Variants in ZNF385D observed in about 807,000 individuals in gnomAD.
The protein encoded by ZNF385D is zinc finger protein 385D.
Under a neutral mutation model 35.8 loss-of-function variants are expected in ZNF385D, and 15 were observed. The observed-to-expected ratio is 0.42, with a 90% confidence interval of 0.28 to 0.64. The LOEUF is 0.64. ZNF385D is among the 30% of genes least tolerant of loss of function. The probability of loss-of-function intolerance (pLI) is 0.23; values close to 1 mark genes in which losing one functional copy is unlikely to be tolerated. For synonymous variants in ZNF385D, 212 were observed against 186.8 expected, an observed-to-expected ratio of 1.13 and a Z score of -1.10; for missense variants, 474 against 494.6, an observed-to-expected ratio of 0.96 and a Z score of 0.39.
At chr3:21,880,448 T>C (rs529354860) in intron 3 of ZNF385D, among the ~76,000 whole-genome samples, 23 of 152,106 alleles carry the variant, frequency 1.5e-4, no homozygotes, top group African/African-American at 5.3e-4. Flanking sequence ...TTAATGTTAC[T>C]ATTGTAATGG....
intron 3 of ZNF385D, among the ~76,000 whole-genome samples, chr3:22,094,379 A>T (rs538122259): frequency 7.1e-4 from 46 of 64,636 alleles, no homozygotes; most frequent in Middle Eastern, 0.019. Flanking sequence ...TCTGTCATTT[A>T]TTGTTGATAT....
chr3:22,207,408 C>G lies in ZNF385D; in HGVS notation c.107-38373G>C, dbSNP rs141412297. Reference sequence around the variant, plus strand: ...CACGCATATGCAGAAGAAAACAAAGCCCCTATCTCCTGCCCTACACAAAAA... The same window carrying G: ...CACGCATATGCAGAAGAAAACAAAGGCCCTATCTCCTGCCCTACACAAAAA... On this transcript the variant is annotated intron_variant, in intron 2 of 5. Transcript: ENST00000494108. 1.9e-3 allele frequency among the ~76,000 whole-genome samples: 291 copies of G among 151,924 alleles called. 1 individual carries two copies. Among genetic ancestry groups the G allele is most frequent in the Middle Eastern group, 0.014 (4 of 294 alleles).
intron 3 of ZNF385D, chr3:22,133,627 G>A (rs561402310): frequency 1.3e-5 from 2 of 151,912 alleles, no homozygotes; most frequent in African/African-American, 4.8e-5. Context: ...GGACTGGGGG[G>A]AGATACTCTA....
At chr3:21,995,416 G>A (rs1695401802) in intron 3 of ZNF385D, among the ~76,000 whole-genome samples, 1 of 152,112 alleles carries the variant, frequency 6.6e-6, no homozygotes, top group South Asian at 2.1e-4. Context: ...AGTGAGGCTA[G>A]TTTATCCCCA....
At chr3:21,971,956 A>C (rs1356247530) in intron 3 of ZNF385D, among the ~76,000 whole-genome samples, 1 of 152,028 alleles carries the variant, frequency 6.6e-6, no homozygotes, top group African/African-American at 2.4e-5. Flanking sequence ...CCAGATATAT[A>C]AAGCACATAT....
rs994655230 is a variant in ZNF385D at position 22,243,940 on chromosome 3, T to C, written c.107-74905A>G. Among the ~76,000 whole-genome samples the C allele has an allele frequency of 1.1e-4, 16 of 150,872 alleles. 1 individual carries two copies. Among genetic ancestry groups the C allele is most frequent in the Non-Finnish European group, 2.2e-4 (15 of 67,956 alleles). On this transcript the variant is annotated intron_variant, in intron 2 of 5. Transcript: ENST00000494108. ...GAGCACCTTTGAAATTTACCCATTA[T>C]ATATTTCTATTATATATATTTCATA...
At chr3:21,821,801 AT>A (rs941997499) in intron 3 of ZNF385D, among the ~76,000 whole-genome samples, 1 of 151,564 alleles carries the variant, frequency 6.6e-6, no homozygotes, top group Non-Finnish European at 1.5e-5. Flanking sequence ...TCTCTACAAA[AT>A]TTTTTTTAAA....
chr3:22,326,137 G>T (rs1183723041), intron 2 of ZNF385D, among the ~76,000 whole-genome samples: 1 of 152,250 alleles, frequency 6.6e-6, no homozygotes, highest in Non-Finnish European at 1.5e-5. Flanking sequence ...CTCTGAATTT[G>T]CACTGGAGTC....
chr3:22,085,177 C>A (rs919675909), intron 3 of ZNF385D, among the ~76,000 whole-genome samples: 1 of 151,968 alleles, frequency 6.6e-6, no homozygotes, highest in Admixed American at 6.6e-5. Flanking sequence ...ACTAGAGAAG[C>A]AAGAGCGAAC....
intron 1 of ZNF385D, among the ~76,000 whole-genome samples, chr3:21,669,054 G>A (rs939537226): frequency 6.6e-6 from 1 of 152,156 alleles, no homozygotes; most frequent in African/African-American, 2.4e-5. Flanking sequence ...ATTGAAGCAG[G>A]TCTTTTAAAG....
intron 5 of ZNF385D, among the ~76,000 whole-genome samples, chr3:21,427,250 C>T (rs986743236): frequency 6.6e-6 from 1 of 152,156 alleles, no homozygotes; most frequent in Non-Finnish European, 1.5e-5. Flanking sequence ...ATTATGAAAA[C>T]TTCTTTATCC....
chr3:22,068,776 A>G (rs1336952383), intron 3 of ZNF385D, among the ~76,000 whole-genome samples: 1 of 152,252 alleles, frequency 6.6e-6, no homozygotes, highest in Non-Finnish European at 1.5e-5. Flanking sequence ...ACACGTGAAG[A>G]AAAACATTAC....
At chr3:21,604,509 A>C (rs2064417263) in intron 2 of ZNF385D, among the ~76,000 whole-genome samples, 2 of 152,230 alleles carry the variant, frequency 1.3e-5, no homozygotes, top group Admixed American at 1.3e-4. Flanking sequence ...AAGAGGAGTA[A>C]TCAGCAAAGA....
intron 3 of ZNF385D, among the ~76,000 whole-genome samples, chr3:22,137,810 C>T (rs7611433): frequency 0.92 from 139,224 of 151,726 alleles, 64,035 homozygotes; most frequent in African/African-American, 0.98. Flanking sequence ...GTGTTGGAAG[C>T]TCTGGCCAGG....
intron 3 of ZNF385D, among the ~76,000 whole-genome samples, chr3:22,070,217 C>T (rs1335650412): frequency 1.3e-5 from 2 of 152,070 alleles, no homozygotes; most frequent in African/African-American, 4.8e-5. Flanking sequence ...GTGGCCCCAT[C>T]CCCTTAAAGC....
At chr3:21,586,460 C>CTGTA (rs1429414803) in intron 2 of ZNF385D, among the ~76,000 whole-genome samples, 1 of 152,124 alleles carries the variant, frequency 6.6e-6, no homozygotes, top group Non-Finnish European at 1.5e-5. Flanking sequence ...GACTCCTATG[C>CTGTA]TGTATGTCCA....
chr3:22,343,716 A>C (rs181156353), intron 2 of ZNF385D, among the ~76,000 whole-genome samples: 1 of 152,236 alleles, frequency 6.6e-6, no homozygotes, highest in Non-Finnish European at 1.5e-5. Flanking sequence ...TAAGCCTACT[A>C]AAGTCAGTTT....
intron 4 of ZNF385D, among the ~76,000 whole-genome samples, chr3:21,453,450 A>G (rs1042950161): frequency 6.6e-6 from 1 of 152,016 alleles, no homozygotes; most frequent in Non-Finnish European, 1.5e-5. Flanking sequence ...ATGGGAGAAA[A>G]TATTTGTAAA....
chr3:21,819,673 T>G (rs998895455), intron 3 of ZNF385D, among the ~76,000 whole-genome samples: 4 of 147,012 alleles, frequency 2.7e-5, no homozygotes, highest in Non-Finnish European at 6.0e-5. Context: ...ATTAATTATA[T>G]ATAATTATCT....
Sources: allele counts gnomAD v4.1 joint callset (sites outside exome capture counted in the v4.1 genomes callset), GRCh38; gene constraint gnomAD v4.1.1; transcripts MANE v1.5; gene names NCBI Gene and HGNC (gene_info 2026-07-23, HGNC 2026-07-21).